Variants in SLCO1B3 observed in about 807,000 individuals in gnomAD.
SLCO1B3 encodes the protein solute carrier organic anion transporter family member 1B3.
A neutral mutation model predicts 71.8 loss-of-function variants in SLCO1B3; 72 were observed. The observed-to-expected ratio is 1.00, with a 90% CI of 0.83 to 1.22. SLCO1B3 has a LOEUF of 1.22. Among genes scored for constraint, SLCO1B3 ranks in the 50% most tolerant of loss-of-function variants. SLCO1B3 has a pLI of 0.00. For missense variants in SLCO1B3, 911 were observed against 819.7 expected (o/e 1.11, Z -1.36); for synonymous variants, 298 against 278.4 (o/e 1.07, Z -0.70).
intron 3 of SLCO1B3, among the ~76,000 whole-genome samples, chr12:20,818,128 G>A (rs1864225467): frequency 6.6e-6 from 1 of 152,176 alleles, no homozygotes; most frequent in Non-Finnish European, 1.5e-5. Flanking sequence ...ATAAAAAGGA[G>A]CGTCTATACA....
At chr12:20,905,662 A>C (rs1302523422) in intron 15 of SLCO1B3, among the ~76,000 whole-genome samples, 1 of 152,224 alleles carries the variant, frequency 6.6e-6, no homozygotes, top group Admixed American at 6.5e-5. Flanking sequence ...AGTGACCTTT[A>C]CTCCAGTTCC....
intron 11 of SLCO1B3, 66 bp from the exon 12 acceptor site, chr12:20,880,789 C>A (rs1455311081): frequency 3.6e-6 from 4 of 1,111,082 alleles, no homozygotes; most frequent in Non-Finnish European, 5.1e-6. Flanking sequence ...CCCTTGTCTC[C>A]CTCTTCTGCT....
chr12:20,914,141 G>T (rs577455604), intron 15 of SLCO1B3, among the ~76,000 whole-genome samples: 1 of 152,028 alleles, frequency 6.6e-6, no homozygotes, highest in Non-Finnish European at 1.5e-5. Flanking sequence ...GAATACTGAC[G>T]ATATTTGTTA....
chr12:20,886,850 T>TCTTC (rs1332188892), intron 13 of SLCO1B3, among the ~76,000 whole-genome samples: 4 of 151,980 alleles, frequency 2.6e-5, no homozygotes, highest in Non-Finnish European at 1.5e-5. Context: ...AGGTAGTATT[T>TCTTC]CTTCCCTCCC....
At chr12:20,819,590 T>A (rs1424502554) in intron 3 of SLCO1B3, among the ~76,000 whole-genome samples, 1 of 152,178 alleles carries the variant, frequency 6.6e-6, no homozygotes, top group Non-Finnish European at 1.5e-5. Context: ...CAAAATAATT[T>A]GGTTGATAAG....
At chr12:20,844,760 T>A (rs1361220210) in intron 3 of SLCO1B3, among the ~76,000 whole-genome samples, 1 of 151,956 alleles carries the variant, frequency 6.6e-6, no homozygotes, top group African/African-American at 2.4e-5. Flanking sequence ...CCAGGTGTGG[T>A]AGCTCATGCC....
chr12:20,912,295 T>G (rs1260430984), intron 15 of SLCO1B3, among the ~76,000 whole-genome samples: 1 of 145,782 alleles, frequency 6.9e-6, no homozygotes, highest in African/African-American at 2.5e-5. Flanking sequence ...TCTATTTTAT[T>G]TTTATTTTTA....
At chr12:20,889,351 T>A (rs573424477) in intron 13 of SLCO1B3, among the ~76,000 whole-genome samples, 5 of 152,166 alleles carry the variant, frequency 3.3e-5, no homozygotes, top group Admixed American at 6.6e-5. Flanking sequence ...GGAGATTTTT[T>A]AATTATTATT....
chr12:20,896,068 T>C (rs530433842), intron 13 of SLCO1B3, among the ~76,000 whole-genome samples: 272 of 152,322 alleles, frequency 1.8e-3, no homozygotes, highest in African/African-American at 6.2e-3. Context: ...GTCCCTAGGC[T>C]GCACATAGCA....
At chr12:20,883,993 A>G (rs1865745244) in intron 13 of SLCO1B3, among the ~76,000 whole-genome samples, 1 of 152,234 alleles carries the variant, frequency 6.6e-6, no homozygotes, top group East Asian at 1.9e-4. Flanking sequence ...GCAACCAGGT[A>G]TAAATACAAA....
chr12:20,830,249 G>A (rs544826598), intron 3 of SLCO1B3, among the ~76,000 whole-genome samples: 5 of 152,242 alleles, frequency 3.3e-5, no homozygotes, highest in East Asian at 1.9e-4. Flanking sequence ...TTACAAATTT[G>A]TAAATCAAAA....
chr12:20,838,132 A>G (rs963407245), intron 3 of SLCO1B3, among the ~76,000 whole-genome samples: 3 of 150,220 alleles, frequency 2.0e-5, no homozygotes, highest in Non-Finnish European at 4.5e-5. Flanking sequence ...TTTTTTTTTA[A>G]ATTTTATTAT....
intron 8 of SLCO1B3, among the ~76,000 whole-genome samples, chr12:20,868,178 G>A (rs1384086798): frequency 6.6e-5 from 10 of 152,100 alleles, no homozygotes; most frequent in Admixed American, 5.9e-4. Context: ...AACTATTAGT[G>A]CTAAAAAAGC....
intron 5 of SLCO1B3, 46 bp from the exon 6 acceptor site, chr12:20,860,967 AAAAT>A (rs1438941808): frequency 6.7e-7 from 1 of 1,499,770 alleles, no homozygotes; most frequent in Non-Finnish European, 9.0e-7. Context: ...GGGAAAACTG[AAAAT>A]ATTCAGTAGA....
intron 1 of SLCO1B3, among the ~76,000 whole-genome samples, chr12:20,812,343 G>GA (rs1864123402): frequency 6.6e-6 from 1 of 152,108 alleles, no homozygotes; most frequent in Non-Finnish European, 1.5e-5. Flanking sequence ...GGAAATAACA[G>GA]AAAAAAGTAA....
At chr12:20,835,948 A>G (rs1004193151) in intron 3 of SLCO1B3, among the ~76,000 whole-genome samples, 1 of 152,212 alleles carries the variant, frequency 6.6e-6, no homozygotes. Flanking sequence ...TTATAAAGAA[A>G]AAGAAGTTTA....
chr12:20,916,447 A>G lies in SLCO1B3; in HGVS notation c.*200A>G, dbSNP rs944170770. 8.7e-6 allele frequency: 4 copies of G among 459,370 alleles called. No individual in the cohort carries two copies. The highest frequency in any genetic ancestry group is 1.9e-5 in the African/African-American group (1 of 51,582). 28.5% of individuals were successfully genotyped at this position (459,370 alleles called of 1,614,324 possible). A position where few individuals can be genotyped will look rare whatever the true frequency, so the allele number is the denominator to read the frequency against. On this transcript the variant is annotated 3_prime_UTR_variant, in exon 16 of 16. Transcript: ENST00000381545. ...GAATATATGATCCATAAAAATTTAA[A>G]GTGAGAGGCATGGTTAGTGTGTGAT...
intron 2 of SLCO1B3, among the ~76,000 whole-genome samples, chr12:20,814,983 T>TTTC (rs1864168298): frequency 4.6e-5 from 1 of 21,840 alleles, no homozygotes; most frequent in African/African-American, 9.0e-5. Context: ...TTTCTTTTCT[T>TTTC]TTTTTTTTTT....
chr12:20,814,046 A>G (rs532115154), intron 2 of SLCO1B3, among the ~76,000 whole-genome samples: 1 of 152,292 alleles, frequency 6.6e-6, no homozygotes, highest in Non-Finnish European at 1.5e-5. Context: ...CTACATAGCA[A>G]GTATCTACAT....
Sources: allele counts gnomAD v4.1 joint callset (sites outside exome capture counted in the v4.1 genomes callset), GRCh38; gene constraint gnomAD v4.1.1; transcripts MANE v1.5; gene names NCBI Gene and HGNC (gene_info 2026-07-23, HGNC 2026-07-21).